TMEM74: variants seen among roughly 807,000 people sequenced by gnomAD.
TMEM74 encodes transmembrane protein 74.
A neutral mutation model predicts 18.1 loss-of-function variants in TMEM74; 13 were observed. That is an observed-to-expected ratio of 0.72 (90% CI 0.47 to 1.14). TMEM74 has a LOEUF of 1.14. TMEM74 is among the 50% of genes most tolerant of loss of function. The pLI is 0.00. For missense variants in TMEM74, 372 were observed against 375.9 expected (o/e 0.99, Z 0.09); for synonymous variants, 159 against 146.6 (o/e 1.08, Z -0.61).
intron 1 of TMEM74, among the ~76,000 whole-genome samples, chr8:108,695,749 T>TA (rs1017016257): frequency 1.3e-5 from 2 of 151,998 alleles, no homozygotes; most frequent in African/African-American, 4.8e-5. Context: ...TCTAAGGAAC[T>TA]AAAAAAAGGG....
At chr8:108,639,844 C>A (rs531274037) in intron 2 of TMEM74, among the ~76,000 whole-genome samples, 24 of 152,218 alleles carry the variant, frequency 1.6e-4, no homozygotes, top group African/African-American at 5.8e-4. Flanking sequence ...CAGCAGAGAA[C>A]CACTCTTAGA....
chr8:108,731,281 T>C (rs946439232), intron 1 of TMEM74, among the ~76,000 whole-genome samples: 1 of 151,472 alleles, frequency 6.6e-6, no homozygotes, highest in Admixed American at 6.6e-5. Flanking sequence ...TTGTAGAAAG[T>C]GGAGTTATCA....
At chr8:108,738,665 G>T (rs1813771060) in intron 1 of TMEM74, among the ~76,000 whole-genome samples, 1 of 152,156 alleles carries the variant, frequency 6.6e-6, no homozygotes, top group Non-Finnish European at 1.5e-5. Context: ...CATTGATGGA[G>T]CTTCTGCATC....
At position 108,686,679 on chromosome 8, in the gene TMEM74, GAA is replaced by G. The variant is rs10716588; in HGVS notation, n.120-31244_120-31243del. Among the ~76,000 whole-genome samples, 1,465 of 147,100 alleles carry G rather than the reference GAA, an allele frequency of 1.0e-2. 11 individuals are homozygous for G. The highest frequency in any genetic ancestry group is 0.014 in the Non-Finnish European group (909 of 66,452). On this transcript the variant is annotated intron_variant and non_coding_transcript_variant, in intron 1 of 3. Coordinates refer to the TMEM74 transcript ENST00000518838. ...TCAGGTTCTAAGTCCAACATTTGTA[GAA>G]AAAAAAAAAATAGAAAACTTCACCT... is the stretch of plus-strand genomic sequence containing the variant.
At chr8:108,765,748 A>G (rs933056779) in intron 1 of TMEM74, among the ~76,000 whole-genome samples, 4 of 152,140 alleles carry the variant, frequency 2.6e-5, no homozygotes, top group African/African-American at 4.8e-5. Context: ...CTCAAGATTT[A>G]TCACATACTT....
chr8:108,650,341 A>G (rs1449284140), intron 2 of TMEM74, among the ~76,000 whole-genome samples: 1 of 152,206 alleles, frequency 6.6e-6, no homozygotes. Context: ...TGCACCTGCA[A>G]TCTATTCTCA....
chr8:108,727,605 T>C (rs1196707563), intron 1 of TMEM74, among the ~76,000 whole-genome samples: 4 of 152,152 alleles, frequency 2.6e-5, no homozygotes, highest in African/African-American at 9.7e-5. Flanking sequence ...CTATCTTTCA[T>C]AGATATATAA....
chr8:108,737,193 G>A (rs529111230), intron 1 of TMEM74, among the ~76,000 whole-genome samples: 2 of 152,250 alleles, frequency 1.3e-5, no homozygotes, highest in African/African-American at 4.8e-5. Context: ...GGACTCCTGA[G>A]TGAACTACTG....
intron 2 of TMEM74, among the ~76,000 whole-genome samples, chr8:108,643,970 T>C (rs1318317354): frequency 6.6e-6 from 1 of 152,006 alleles, no homozygotes; most frequent in Non-Finnish European, 1.5e-5. Flanking sequence ...AAACTACCAA[T>C]GACATTTTTC....
At chr8:108,688,800 C>T (rs1055848389) in intron 1 of TMEM74, among the ~76,000 whole-genome samples, 29 of 152,174 alleles carry the variant, frequency 1.9e-4, no homozygotes, top group African/African-American at 6.8e-4. Context: ...TGGTTAGCTT[C>T]CCCTAACTGT....
chr8:108,763,923 G>A (rs962614717), intron 1 of TMEM74, among the ~76,000 whole-genome samples: 1 of 152,254 alleles, frequency 6.6e-6, no homozygotes, highest in African/African-American at 2.4e-5. Flanking sequence ...TGACATAACA[G>A]TATTTTGGAA....
At chr8:108,770,540 A>T (rs1814159960) in intron 1 of TMEM74, among the ~76,000 whole-genome samples, 1 of 152,144 alleles carries the variant, frequency 6.6e-6, no homozygotes. Context: ...TTCCACATAA[A>T]TTATTCATGG....
chr8:108,712,988 T>C (rs555996434), intron 1 of TMEM74, among the ~76,000 whole-genome samples: 1 of 152,158 alleles, frequency 6.6e-6, no homozygotes. Flanking sequence ...TTTCCTGTAA[T>C]GAGACCTGGG....
chr8:108,705,741 A>T (rs900556595), intron 1 of TMEM74, among the ~76,000 whole-genome samples: 2 of 152,246 alleles, frequency 1.3e-5, no homozygotes, highest in Non-Finnish European at 2.9e-5. Context: ...TATACATAAC[A>T]CACATGAGTT....
rs1388671986 is a variant in TMEM74, at chr8:108,783,155, T to G, written c.*1026A>C. 6.6e-6 allele frequency among the ~76,000 whole-genome samples: 1 copy of G among 152,110 alleles called. No homozygotes were observed. Among genetic ancestry groups the G allele is most frequent in the East Asian group, 1.9e-4 (1 of 5,186 alleles). On this transcript the variant is annotated 3_prime_UTR_variant, in exon 2 of 2. Transcript: ENST00000297459. The stretch of plus-strand genomic sequence containing the variant: ...AGGACTGTTGCTACCATGAGGGAAG[T>G]GCTCGTTGCTTGGCCTACAGCAAGT...
chr8:108,610,974 A>G (rs1456439619), intron 2 of TMEM74, among the ~76,000 whole-genome samples: 1 of 152,240 alleles, frequency 6.6e-6, no homozygotes, highest in African/African-American at 2.4e-5. Context: ...ATTTTGGATG[A>G]ATGGTGCTCA....
chr8:108,729,516 A>C (rs779450302), intron 1 of TMEM74, among the ~76,000 whole-genome samples: 1 of 152,246 alleles, frequency 6.6e-6, no homozygotes, highest in Non-Finnish European at 1.5e-5. Flanking sequence ...GAATTAGGGC[A>C]AGGATATCTT....
chr8:108,707,119 G>A (rs1813423146), intron 1 of TMEM74, among the ~76,000 whole-genome samples: 2 of 150,226 alleles, frequency 1.3e-5, no homozygotes, highest in South Asian at 4.3e-4. Flanking sequence ...CTCACTCATA[G>A]GTGGGAACTG....
chr8:108,785,027 T>C lies in TMEM74; in HGVS notation c.72A>G (p.Arg24=), dbSNP rs1433381069. The change falls in exon 2 of 2, where the codon AGA becomes AGG. Residue 24 remains arginine (R), a synonymous_variant. Transcript: ENST00000297459. ...TATCTGCCTGGTCACCAGGCAGCCC[T>C]CTTGAACTCCAGTCCCTGGCATCAC... ...DLCDARDWSS[R]GLPGDQADTA... is the part of the protein sequence containing the mutation. The C allele has an allele frequency of 3.1e-6, 5 of 1,613,994 alleles. No individual in the cohort carries two copies. Among genetic ancestry groups the C allele is most frequent in the Non-Finnish European group, 4.2e-6 (5 of 1,179,970 alleles).
Sources: allele counts gnomAD v4.1 joint callset (sites outside exome capture counted in the v4.1 genomes callset), GRCh38; gene constraint gnomAD v4.1.1; transcripts MANE v1.5; gene names NCBI Gene and HGNC (gene_info 2026-07-23, HGNC 2026-07-21).